MVB12B: variants seen among roughly 807,000 people sequenced by gnomAD.
MVB12B encodes ESCRT-I complex subunit MVB12B.
A neutral mutation model predicts 41.6 loss-of-function variants in MVB12B; 16 were observed. That is an observed-to-expected ratio of 0.38 (90% CI 0.26 to 0.58). The LOEUF is 0.58. Ranked by LOEUF, MVB12B falls within the 20% of genes least tolerant of loss-of-function variation. MVB12B has a pLI of 0.62. For missense variants in MVB12B, 274 were observed against 380.2 expected (o/e 0.72, Z 2.32); for synonymous variants, 133 against 139.7 (o/e 0.95, Z 0.34).
chr9:126,376,413 C>T lies in MVB12B; in HGVS notation c.205-4651C>T, dbSNP rs968883851. On this transcript the variant is annotated intron_variant, in intron 2 of 9. Transcript: ENST00000361171. The surrounding 1 kb of genome is among the most constrained non-coding windows in gnomAD (Gnocchi z 4.1). Reference sequence around the variant, plus strand: ...TCATGTCTGAGCCTGTCCCCAGTGCCTGGTGACCCTTTGTTGTGGGTTGGG... The same window carrying T: ...TCATGTCTGAGCCTGTCCCCAGTGCTTGGTGACCCTTTGTTGTGGGTTGGG... 1.7e-5 allele frequency: 16 copies of T among 940,510 alleles called. No homozygotes were observed. In the African/African-American group the frequency reaches 2.2e-4, roughly 13 times the overall value. 58.3% of individuals were successfully genotyped at this position (940,510 alleles called of 1,614,324 possible). A position where few individuals can be genotyped will look rare whatever the true frequency, so the allele number is the denominator to read the frequency against.
chr9:126,358,129 G>A (rs369401779), intron 2 of MVB12B, among the ~76,000 whole-genome samples: 20 of 152,218 alleles, frequency 1.3e-4, no homozygotes, highest in African/African-American at 4.6e-4. Flanking sequence ...GCTGATCGTA[G>A]ATGTATAGGC....
In MVB12B at chr9:126,484,024, G is replaced by A. The variant is rs1163803026; in HGVS notation, c.865G>A (p.Glu289Lys). 2.5e-6 allele frequency: 4 copies of A among 1,613,914 alleles called. No individual in the cohort carries two copies. The highest frequency in any genetic ancestry group is 1.3e-5 in the African/African-American group (1 of 75,024). Residue 289 changes from glutamate (E) to lysine (K), a missense_variant, in exon 9 of 10, where the codon GAA (glutamate) becomes AAA (lysine). By Grantham distance (56) the Glu-to-Lys change is moderately conservative. Coordinates refer to ENST00000361171, the MANE Select transcript of MVB12B (RefSeq NM_033446.3). ...GITIKSLAEI[E>K]KEYEYSFRTE... is the part of the protein sequence containing the mutation. ...CACCATCAAATCTCTAGCAGAAATC[G>A]AAAAAGAGGTAAGCAAGCCATCAGG...
chr9:126,476,254 G>T (rs532056352), intron 7 of MVB12B, among the ~76,000 whole-genome samples: 1 of 152,380 alleles, frequency 6.6e-6, no homozygotes, highest in East Asian at 1.9e-4. Context: ...GGGCCAGAAG[G>T]TGCCCTCACC....
At chr9:126,369,872 C>T (rs1174830589) in intron 2 of MVB12B, among the ~76,000 whole-genome samples, 6 of 152,072 alleles carry the variant, frequency 3.9e-5, no homozygotes, top group Non-Finnish European at 8.8e-5. Context: ...AGGCTGGTCT[C>T]GAACTCCTGA....
At chr9:126,400,288 T>C (rs764891886) in intron 6 of MVB12B, among the ~76,000 whole-genome samples, 5 of 151,994 alleles carry the variant, frequency 3.3e-5, no homozygotes, top group Non-Finnish European at 7.4e-5. Flanking sequence ...AAGGCAGAAT[T>C]AGGTCAGGTG....
chr9:126,422,034 G>A, intron 7 of MVB12B, 86 bp downstream of exon 7: 1 of 934,678 alleles, frequency 1.1e-6, no homozygotes, highest in Non-Finnish European at 1.7e-6. Context: ...CTTCTCGTGG[G>A]ATCTGTCTGC....
At position 126,436,712 on chromosome 9, in the gene MVB12B, G is replaced by A. The variant is rs1832487964; in HGVS notation, c.757+14764G>A. On this transcript the variant is annotated intron_variant, in intron 7 of 9. Transcript: ENST00000361171. This position sits in a 1 kb window ranked among gnomAD's most constrained non-coding sequence, Gnocchi z 4.1. ...TCAGCATATAGTCCTTTGTCTGGCA[G>A]TCCAGTCCACTTGTGGGCACAGTGG... Among the ~76,000 whole-genome samples the A allele has an allele frequency of 6.6e-6, 1 of 152,198 alleles. No individual in the cohort carries two copies. The highest frequency in any genetic ancestry group is 2.1e-4 in the South Asian group (1 of 4,830).
intron 1 of MVB12B, among the ~76,000 whole-genome samples, chr9:126,338,780 C>T (rs1183994550): frequency 6.6e-6 from 1 of 152,138 alleles, no homozygotes; most frequent in African/African-American, 2.4e-5. Context: ...GTGCTGAGCC[C>T]TTTTGATCAA....
intron 7 of MVB12B, among the ~76,000 whole-genome samples, chr9:126,472,188 G>T (rs1221316432): frequency 6.6e-6 from 1 of 152,030 alleles, no homozygotes; most frequent in Admixed American, 6.6e-5. Context: ...GGTCAGTGGT[G>T]GGTTTGTGTT....
At chr9:126,416,642 C>A (rs1428062469) in intron 6 of MVB12B, among the ~76,000 whole-genome samples, 1 of 152,174 alleles carries the variant, frequency 6.6e-6, no homozygotes, top group East Asian at 1.9e-4. Flanking sequence ...TAGCGATAAC[C>A]ACCTCCGGAG....
intron 5 of MVB12B, among the ~76,000 whole-genome samples, chr9:126,394,005 T>C (rs1194977539): frequency 2.6e-5 from 4 of 152,238 alleles, no homozygotes; most frequent in Non-Finnish European, 5.9e-5. Flanking sequence ...AGGGAGCAGG[T>C]ACCACAGAAA....
chr9:126,457,615 A>G (rs1833009290), intron 7 of MVB12B, among the ~76,000 whole-genome samples: 1 of 152,172 alleles, frequency 6.6e-6, no homozygotes, highest in Non-Finnish European at 1.5e-5. Context: ...TTGGAGTCTC[A>G]GGTCCCAGAG....
chr9:126,389,271 G>T lies in MVB12B; in HGVS notation c.409+2613G>T, dbSNP rs1830880752. Among the ~76,000 whole-genome samples, 1 of 152,092 alleles carries T rather than the reference G, an allele frequency of 6.6e-6. No homozygotes were observed. The highest frequency in any genetic ancestry group is 6.5e-5 in the Admixed American group (1 of 15,268). ...AGCTTTTCACCCAGGGAACAGAGGAGCCCAAGCTGGCCACATAAGCCTTAT... is the reference window on the plus strand; with the variant it reads ...AGCTTTTCACCCAGGGAACAGAGGATCCCAAGCTGGCCACATAAGCCTTAT... On this transcript the variant is annotated intron_variant, in intron 4 of 9. Transcript: ENST00000361171. The surrounding 1 kb of genome is among the most constrained non-coding windows in gnomAD (Gnocchi z 4.4).
chr9:126,453,224 CCA>C (rs1441451542), intron 7 of MVB12B, among the ~76,000 whole-genome samples: 1 of 152,188 alleles, frequency 6.6e-6, no homozygotes, highest in Non-Finnish European at 1.5e-5. Context: ...CCAGAAAACC[CCA>C]CAGACGTGCC....
Position 126,486,686 on chromosome 9 carries a change from A to G in MVB12B, c.873+2654A>G, listed in dbSNP as rs1833625109. 6.6e-6 allele frequency among the ~76,000 whole-genome samples: 1 copy of G among 152,140 alleles called. No homozygotes were observed. Among genetic ancestry groups the G allele is most frequent in the Non-Finnish European group, 1.5e-5 (1 of 68,016 alleles). ...TGGGGCCTGAGGCTTTCCATACGTG[A>G]TCACTGGTTCCTACCCCAGGCCTCA... On this transcript the variant is annotated intron_variant, in intron 9 of 9. Transcript: ENST00000361171. The surrounding 1 kb of genome is among the most constrained non-coding windows in gnomAD (Gnocchi z 4.7).
chr9:126,438,578 A>G (rs931302814), intron 7 of MVB12B, among the ~76,000 whole-genome samples: 2 of 152,090 alleles, frequency 1.3e-5, no homozygotes, highest in African/African-American at 2.4e-5. Context: ...CACTCTCTCT[A>G]TGGCTCAGCT....
intron 9 of MVB12B, among the ~76,000 whole-genome samples, chr9:126,490,326 G>C (rs578103300): frequency 1.3e-5 from 2 of 152,036 alleles, no homozygotes; most frequent in Non-Finnish European, 2.9e-5. Flanking sequence ...TCACCATCCC[G>C]GTCAGGAGGC....
chr9:126,327,588 C>T (rs1829017586), intron 1 of MVB12B, among the ~76,000 whole-genome samples: 1 of 152,134 alleles, frequency 6.6e-6, no homozygotes, highest in Non-Finnish European at 1.5e-5. Context: ...GTCGAGCACC[C>T]TACAGTGACT....
chr9:126,398,369 G>A (rs957583693), intron 6 of MVB12B, among the ~76,000 whole-genome samples: 1 of 152,002 alleles, frequency 6.6e-6, no homozygotes, highest in Non-Finnish European at 1.5e-5. Flanking sequence ...GCACTGCGCG[G>A]GTCTTTTCCT....
Sources: gnomAD v4.1 joint callset for allele counts (sites outside exome capture counted in the v4.1 genomes callset) on GRCh38, gnomAD v4.1.1 for gene constraint, Gnocchi (gnomAD v3.1) non-coding constraint, MANE v1.5 for transcripts, NCBI Gene and HGNC (gene_info 2026-07-23, HGNC 2026-07-21) for gene names.